Variants in TYW1B observed in about 807,000 individuals in gnomAD.
TYW1B encodes the protein S-adenosyl-L-methionine-dependent tRNA 4-demethylwyosine synthase TYW1B.
In TYW1B, 73 loss-of-function variants were observed where a neutral mutation model predicts 86.9. The observed-to-expected ratio is 0.84, with a 90% CI of 0.70 to 1.02. TYW1B has a LOEUF of 1.02. TYW1B is among the 50% of genes least tolerant of loss of function. TYW1B has a pLI of 0.00. For synonymous variants in TYW1B, 248 were observed against 292.8 expected (o/e 0.85, Z 1.56); for missense variants, 637 against 827.4 (o/e 0.77, Z 2.82).
At chr7:72,657,325 T>C (rs1260462563) in intron 11 of TYW1B, among the ~76,000 whole-genome samples, 1 of 152,112 alleles carries the variant, frequency 6.6e-6, no homozygotes, top group Non-Finnish European at 1.5e-5. Flanking sequence ...TAAAAGTATA[T>C]AGAAAGCCTA....
At chr7:72,693,417 T>A (rs1188008693) in intron 11 of TYW1B, among the ~76,000 whole-genome samples, 1 of 150,508 alleles carries the variant, frequency 6.6e-6, no homozygotes, top group East Asian at 1.9e-4. Context: ...ATCTTTTTTT[T>A]TTTTTTTTTT....
chr7:72,711,506 G>A (rs1368966513), intron 10 of TYW1B, among the ~76,000 whole-genome samples: 7 of 36,334 alleles, frequency 1.9e-4, no homozygotes, highest in Non-Finnish European at 3.6e-4. Flanking sequence ...TTTTTGCTCT[G>A]TAGCCCAGGC....
intron 9 of TYW1B, among the ~76,000 whole-genome samples, chr7:72,726,197 C>T (rs192581358): frequency 2.8e-4 from 42 of 151,920 alleles, no homozygotes; most frequent in African/African-American, 9.2e-4. Context: ...CTCCCACCAT[C>T]GAAAAATGCT....
At chr7:72,804,735 G>A (rs1788464314) in intron 5 of TYW1B, among the ~76,000 whole-genome samples, 1 of 152,092 alleles carries the variant, frequency 6.6e-6, no homozygotes, top group Non-Finnish European at 1.5e-5. Flanking sequence ...AGCTACTCAG[G>A]AGGCTGAGAT....
At chr7:72,592,587 CCAAAGACAGAG>C (rs1258733028) in intron 13 of TYW1B, among the ~76,000 whole-genome samples, 1 of 152,184 alleles carries the variant, frequency 6.6e-6, no homozygotes, top group Non-Finnish European at 1.5e-5. Context: ...ACCCTCCCAT[CCAAAGACAGAG>C]ATTGGTAGAA....
At chr7:72,649,118 G>A (rs538423752) in intron 11 of TYW1B, among the ~76,000 whole-genome samples, 45 of 152,296 alleles carry the variant, frequency 3.0e-4, no homozygotes, top group African/African-American at 6.7e-4. Context: ...GCCCTGAGAA[G>A]CAGAACGCAG....
intron 8 of TYW1B, among the ~76,000 whole-genome samples, chr7:72,740,145 A>G (rs1275391266): frequency 6.6e-6 from 1 of 151,822 alleles, no homozygotes; most frequent in East Asian, 1.9e-4. Context: ...AGGCAGGAGA[A>G]TGGCATGAAC....
chr7:72,798,006 TATATAC>T lies in TYW1B; in HGVS notation c.846+4388_846+4393del, dbSNP rs1585991321. Reference sequence around the variant, plus strand: ...ACCCAGCTAGAAAATACTATTTATATATATACACACACACACACACACACACACACA... The same window carrying T: ...ACCCAGCTAGAAAATACTATTTATATACACACACACACACACACACACACA... On this transcript the variant is annotated intron_variant, in intron 6 of 13. Coordinates refer to ENST00000620995, the MANE Select transcript of TYW1B (RefSeq NM_001145440.3). Among the ~76,000 whole-genome samples the T allele has an allele frequency of 4.0e-4, 25 of 61,896 alleles. No individual in the cohort carries two copies. The East Asian group carries it at 6.7e-3, about 17-fold the overall frequency. The allele number at this position is 61,896 out of a possible 152,430, so 40.6% of individuals were successfully genotyped here.
intron 5 of TYW1B, among the ~76,000 whole-genome samples, chr7:72,806,633 C>T (rs1389543475): frequency 2.6e-5 from 4 of 151,788 alleles, no homozygotes; most frequent in Non-Finnish European, 5.9e-5. Flanking sequence ...TTCACATCTT[C>T]CTTCTTTTTT....
At chr7:72,632,501 T>TATATATAAA (rs1812560837) in intron 11 of TYW1B, among the ~76,000 whole-genome samples, 1 of 116,412 alleles carries the variant, frequency 8.6e-6, no homozygotes, top group Non-Finnish European at 1.7e-5. Flanking sequence ...TATATACATA[T>TATATATAAA]ATATTATATA....
At chr7:72,718,079 T>C (rs1272024173) in intron 9 of TYW1B, among the ~76,000 whole-genome samples, 5 of 152,150 alleles carry the variant, frequency 3.3e-5, no homozygotes, top group Non-Finnish European at 7.3e-5. Flanking sequence ...GACCTAAGTG[T>C]CCATCAATGG....
intron 2 of TYW1B, chr7:72,823,116 T>G (rs1361223667): frequency 1.3e-5 from 2 of 151,860 alleles, no homozygotes; most frequent in East Asian, 3.9e-4. Flanking sequence ...CAAGCAATTC[T>G]CCTGCCTCAG....
At chr7:72,647,429 T>C (rs75343102) in intron 11 of TYW1B, among the ~76,000 whole-genome samples, 6 of 152,330 alleles carry the variant, frequency 3.9e-5, no homozygotes, top group Non-Finnish European at 5.9e-5. Context: ...TTTATAATAA[T>C]GAGACATTAC....
At chr7:72,751,527 G>A (rs1389179267) in intron 7 of TYW1B, among the ~76,000 whole-genome samples, 1 of 152,122 alleles carries the variant, frequency 6.6e-6, no homozygotes, top group Non-Finnish European at 1.5e-5. Flanking sequence ...TCTTTGCTGA[G>A]ATTTCTTTTT....
intron 2 of TYW1B, among the ~76,000 whole-genome samples, chr7:72,821,734 AAAG>A (rs539509926): frequency 2.6e-5 from 4 of 152,280 alleles, no homozygotes; most frequent in African/African-American, 9.6e-5. Context: ...GGTTGTATAA[AAAG>A]AAGTCAAAAG....
intron 11 of TYW1B, among the ~76,000 whole-genome samples, chr7:72,670,074 C>A (rs1247629842): frequency 5.3e-5 from 8 of 151,808 alleles, no homozygotes; most frequent in East Asian, 2.0e-4. Context: ...AAGGCTGCTG[C>A]GAACCATGAT....
At chr7:72,735,237 T>C (rs1554460762) in intron 8 of TYW1B, among the ~76,000 whole-genome samples, 2 of 152,052 alleles carry the variant, frequency 1.3e-5, no homozygotes, top group African/African-American at 4.8e-5. Context: ...ATAAAGGAAA[T>C]GTGATATATA....
At chr7:72,603,540 C>T (rs1554434304) in intron 13 of TYW1B, among the ~76,000 whole-genome samples, 1 of 152,232 alleles carries the variant, frequency 6.6e-6, no homozygotes, top group African/African-American at 2.4e-5. Flanking sequence ...GAGCCTAACA[C>T]TGCGCCCCCT....
At chr7:72,621,618 T>C (rs1434127556) in intron 12 of TYW1B, among the ~76,000 whole-genome samples, 2 of 152,232 alleles carry the variant, frequency 1.3e-5, no homozygotes, top group Non-Finnish European at 2.9e-5. Context: ...TGTAGTTATC[T>C]GTTACCAGGT....
Sources: gnomAD v4.1 joint callset for allele counts (sites outside exome capture counted in the v4.1 genomes callset) on GRCh38, gnomAD v4.1.1 for gene constraint, MANE v1.5 for transcripts, NCBI Gene and HGNC (gene_info 2026-07-23, HGNC 2026-07-21) for gene names.